Variants in MYO1D observed in about 807,000 individuals in gnomAD.
MYO1D encodes myosin ID.
Under a neutral mutation model 122.0 loss-of-function variants are expected in MYO1D, and 83 were observed. That is an observed-to-expected ratio of 0.68 (90% confidence interval 0.57 to 0.82). The LOEUF is 0.82. Ranked by LOEUF, MYO1D falls within the 40% of genes least tolerant of loss-of-function variation. The pLI, the probability that MYO1D is intolerant of heterozygous loss-of-function variation, is 0.00. For synonymous variants in MYO1D, 464 were observed against 446.9 expected, an observed-to-expected ratio of 1.04 and a Z score of -0.48; for missense variants, 1,157 against 1,269.5, an observed-to-expected ratio of 0.91 and a Z score of 1.35.
intron 1 of MYO1D, among the ~76,000 whole-genome samples, chr17:32,811,911 T>G (rs1044286843): frequency 6.6e-6 from 1 of 152,132 alleles, no homozygotes; most frequent in Non-Finnish European, 1.5e-5. Context: ...AAAGGACAAG[T>G]CAAAATGCTG....
At chr17:32,757,980 T>C (rs1306246120) in intron 10 of MYO1D, among the ~76,000 whole-genome samples, 1 of 152,044 alleles carries the variant, frequency 6.6e-6, no homozygotes, top group East Asian at 1.9e-4. Context: ...AACTACAGCA[T>C]CGAAAGCTTT....
At chr17:32,586,946 C>A (rs1165293525) in intron 21 of MYO1D, among the ~76,000 whole-genome samples, 1 of 152,098 alleles carries the variant, frequency 6.6e-6, no homozygotes, top group Non-Finnish European at 1.5e-5. Context: ...GCTTTAAATT[C>A]CCTCTTGATG....
At chr17:32,650,244 G>A (rs1429996343) in intron 19 of MYO1D, among the ~76,000 whole-genome samples, 1 of 152,200 alleles carries the variant, frequency 6.6e-6, no homozygotes, top group Non-Finnish European at 1.5e-5. Flanking sequence ...CTTTAAAGAT[G>A]TTGCTCCACT....
At chr17:32,686,888 G>T (rs1157541475) in intron 16 of MYO1D, among the ~76,000 whole-genome samples, 1 of 151,468 alleles carries the variant, frequency 6.6e-6, no homozygotes, top group Non-Finnish European at 1.5e-5. Context: ...GATTGCTTGA[G>T]CCCTGGAAGT....
At chr17:32,631,462 G>A (rs375026192) in intron 20 of MYO1D, among the ~76,000 whole-genome samples, 11 of 152,142 alleles carry the variant, frequency 7.2e-5, no homozygotes, top group Admixed American at 5.9e-4. Flanking sequence ...CTTGGGCAAC[G>A]TGAGACCCTG....
intron 1 of MYO1D, among the ~76,000 whole-genome samples, chr17:32,861,143 A>G: frequency 6.8e-6 from 1 of 146,814 alleles, no homozygotes; most frequent in African/African-American, 2.5e-5. Context: ...ACCTCAGCTC[A>G]CTGCAAGCTC....
chr17:32,852,620 C>T (rs1370355763), intron 1 of MYO1D, among the ~76,000 whole-genome samples: 1 of 152,122 alleles, frequency 6.6e-6, no homozygotes, highest in Non-Finnish European at 1.5e-5. Context: ...TGTAGAATGT[C>T]GTCTCAACTA....
At chr17:32,608,690 T>C (rs1171365344) in intron 20 of MYO1D, among the ~76,000 whole-genome samples, 1 of 152,134 alleles carries the variant, frequency 6.6e-6, no homozygotes, top group Non-Finnish European at 1.5e-5. Context: ...CACATGAAAA[T>C]TTATACATGA....
chr17:32,776,266 A>G (rs2090171501), intron 3 of MYO1D, among the ~76,000 whole-genome samples: 1 of 152,256 alleles, frequency 6.6e-6, no homozygotes, highest in South Asian at 2.1e-4. Flanking sequence ...AGGTACATCA[A>G]TATGTACTCA....
At chr17:32,634,472 T>G (rs141246002) in intron 20 of MYO1D, among the ~76,000 whole-genome samples, 6 of 152,338 alleles carry the variant, frequency 3.9e-5, no homozygotes, top group African/African-American at 1.4e-4. Flanking sequence ...TTAAAGTTAG[T>G]TGCTGATTTA....
chr17:32,704,358 A>G (rs1162156996), intron 16 of MYO1D, among the ~76,000 whole-genome samples: 1 of 152,214 alleles, frequency 6.6e-6, no homozygotes, highest in African/African-American at 2.4e-5. Flanking sequence ...TTCAATATTC[A>G]GACAAAACAT....
intron 1 of MYO1D, among the ~76,000 whole-genome samples, chr17:32,840,207 T>C (rs2090867179): frequency 6.6e-6 from 1 of 152,226 alleles, no homozygotes; most frequent in Non-Finnish European, 1.5e-5. Flanking sequence ...AGGGTGTTAC[T>C]GGCGCACACT....
At chr17:32,517,365 T>C (rs1015386193) in intron 21 of MYO1D, among the ~76,000 whole-genome samples, 5 of 152,232 alleles carry the variant, frequency 3.3e-5, no homozygotes, top group African/African-American at 1.2e-4. Context: ...AGCCTCTTTG[T>C]CTAGCCTCAA....
In MYO1D at chr17:32,796,883, G is replaced by A. The variant is rs530085806; in HGVS notation, c.96-16099C>T. ...CACTCCATGGGACGGGTCTCTGGAC[G>A]ACAGGAAACCTAAACAGTATATCCT... is the stretch of plus-strand genomic sequence containing the variant. On this transcript the variant is annotated intron_variant, in intron 1 of 21. Transcript: ENST00000318217. Among the ~76,000 whole-genome samples, 5 of 152,090 alleles carry A rather than the reference G, an allele frequency of 3.3e-5. No homozygotes were observed. The South Asian group carries it at 6.2e-4, about 19-fold the overall frequency.
At chr17:32,654,408 G>T in intron 18 of MYO1D, 69 bp downstream of exon 18, 2 of 1,472,018 alleles carry the variant, frequency 1.4e-6, no homozygotes, top group South Asian at 1.4e-5. Flanking sequence ...CAAATTCTTT[G>T]GAGATATGTA....
At chr17:32,712,720 G>C (rs1423102884) in intron 15 of MYO1D, among the ~76,000 whole-genome samples, 2 of 152,138 alleles carry the variant, frequency 1.3e-5, no homozygotes, top group East Asian at 3.8e-4. Flanking sequence ...CTGCACATAA[G>C]AGCAACACAC....
At chr17:32,777,668 G>A (rs567823678) in intron 3 of MYO1D, among the ~76,000 whole-genome samples, 1 of 152,186 alleles carries the variant, frequency 6.6e-6, no homozygotes, top group South Asian at 2.1e-4. Context: ...CTGTTCGGCC[G>A]GGCGCGGTGG....
intron 19 of MYO1D, among the ~76,000 whole-genome samples, chr17:32,651,639 TG>T (rs1277932843): frequency 6.6e-6 from 1 of 152,080 alleles, no homozygotes; most frequent in African/African-American, 2.4e-5. Flanking sequence ...TCACACATTT[TG>T]TCCTTTTCTC....
chr17:32,615,964 T>C (rs1425838977), intron 20 of MYO1D, among the ~76,000 whole-genome samples: 1 of 152,176 alleles, frequency 6.6e-6, no homozygotes, highest in Non-Finnish European at 1.5e-5. Flanking sequence ...GAAAGCAACA[T>C]AGACATGGCA....
Sources: allele counts gnomAD v4.1 joint callset (sites outside exome capture counted in the v4.1 genomes callset), GRCh38; gene constraint gnomAD v4.1.1; transcripts MANE v1.5; gene names NCBI Gene and HGNC (gene_info 2026-07-23, HGNC 2026-07-21).